HAUS6: variants seen among roughly 807,000 people sequenced by gnomAD.
HAUS6 encodes HAUS augmin like complex subunit 6.
A neutral mutation model predicts 106.8 loss-of-function variants in HAUS6; 80 were observed. That is an observed-to-expected ratio of 0.75 (90% confidence interval 0.63 to 0.90). The LOEUF (loss-of-function observed/expected upper bound fraction) is 0.90, where lower values mean the gene tolerates loss of function less well. Among genes scored for constraint, HAUS6 ranks in the 40% least tolerant of loss-of-function variants. The probability of loss-of-function intolerance (pLI) is 0.00; values close to 1 mark genes in which losing one functional copy is unlikely to be tolerated. For missense variants in HAUS6, 1,155 were observed against 1,118.1 expected (o/e 1.03, Z -0.47); for synonymous variants, 356 against 379.1 (o/e 0.94, Z 0.71).
chr9:19,083,243 T>C (rs996384063), intron 7 of HAUS6, among the ~76,000 whole-genome samples, 200 bp from the exon 8 acceptor site: 3 of 152,104 alleles, frequency 2.0e-5, no homozygotes, highest in Admixed American at 6.6e-5. Flanking sequence ...ATCAGGAGAA[T>C]CTAGCTCACT....
chr9:19,077,380 G>T (rs1837032498), intron 10 of HAUS6, among the ~76,000 whole-genome samples: 1 of 152,002 alleles, frequency 6.6e-6, no homozygotes, highest in Admixed American at 6.6e-5. Context: ...ACTGAAAATA[G>T]AAAAATTAGC....
In HAUS6 at chr9:19,071,573, CTTTTT is replaced by C. The variant is rs34684530; in HGVS notation, c.1295-1278_1295-1274del. Among the ~76,000 whole-genome samples, 42 of 109,372 alleles carry C rather than the reference CTTTTT, an allele frequency of 3.8e-4. No homozygotes were observed. The South Asian group carries it at 6.8e-3, about 18-fold the overall frequency. The allele number at this position is 109,372 out of a possible 152,430, so 71.8% of individuals were successfully genotyped here. A position where few individuals can be genotyped will look rare whatever the true frequency, so the allele number is the denominator to read the frequency against. On this transcript the variant is annotated intron_variant, in intron 11 of 16. Coordinates refer to ENST00000380502, the MANE Select transcript of HAUS6 (RefSeq NM_017645.5). ...GCATAATACAAAAGAAAAATATTTT[CTTTTT>C]TTTTTTTTTTTTTTGAGACAGGGTC...
intron 7 of HAUS6, among the ~76,000 whole-genome samples, chr9:19,084,401 G>C (rs1837238041): frequency 6.6e-6 from 1 of 152,148 alleles, no homozygotes; most frequent in Admixed American, 6.6e-5. Flanking sequence ...GGATTCTAGG[G>C]TGCTGGTAAC....
At position 19,099,820 on chromosome 9, in the gene HAUS6, C is replaced by T. The variant is rs146509134; in HGVS notation, c.128+2704G>A. 1.4e-3 allele frequency among the ~76,000 whole-genome samples: 207 copies of T among 152,260 alleles called. 1 individual carries two copies. The highest frequency in any genetic ancestry group is 3.4e-3 in the Middle Eastern group (1 of 294). On this transcript the variant is annotated intron_variant, in intron 1 of 16. Transcript: ENST00000380502. Reference sequence around the variant, plus strand: ...ATCCCAGCACTTTGGGAGGCTGACGCGGGAGGATCACTTAAGCCCAGAGGG... The same window carrying T: ...ATCCCAGCACTTTGGGAGGCTGACGTGGGAGGATCACTTAAGCCCAGAGGG...
Position 19,075,327 on chromosome 9 carries a change from T to C in HAUS6, c.1294+1275A>G, listed in dbSNP as rs78598268. Among the ~76,000 whole-genome samples, 1,423 of 152,368 alleles carry C rather than the reference T, an allele frequency of 9.3e-3. 12 individuals carry two copies. The highest frequency in any genetic ancestry group is 0.024 in the South Asian group (115 of 4,828). On this transcript the variant is annotated intron_variant, in intron 11 of 16. Coordinates refer to ENST00000380502, the MANE Select transcript of HAUS6 (RefSeq NM_017645.5). The stretch of plus-strand genomic sequence containing the variant: ...CAATTGTGATGATGGTTGCACATAT[T>C]TGTGAATTTAGCAAAAAGCAAGAAA...
intron 12 of HAUS6, among the ~76,000 whole-genome samples, chr9:19,065,777 G>A (rs940780903): frequency 6.6e-6 from 1 of 152,028 alleles, no homozygotes; most frequent in Admixed American, 6.6e-5. Flanking sequence ...GGAGGCAGCA[G>A]TTGCAGTGAG....
chr9:19,081,670 C>T (rs920308988), intron 8 of HAUS6, among the ~76,000 whole-genome samples: 3 of 152,014 alleles, frequency 2.0e-5, no homozygotes, highest in Admixed American at 2.0e-4. Flanking sequence ...AATACCTGAC[C>T]GCAAGTGATC....
At chr9:19,081,582 G>A (rs1837151665) in intron 8 of HAUS6, among the ~76,000 whole-genome samples, 1 of 152,000 alleles carries the variant, frequency 6.6e-6, no homozygotes, top group African/African-American at 2.4e-5. Flanking sequence ...TGGGACTACA[G>A]ATGTGCACCA....
intron 5 of HAUS6, among the ~76,000 whole-genome samples, chr9:19,088,843 A>G (rs1817686584): frequency 6.6e-6 from 1 of 152,138 alleles, no homozygotes; most frequent in Non-Finnish European, 1.5e-5. Context: ...GCACTACTGC[A>G]CTCAAGCCTG....
In HAUS6 at chr9:19,080,753, T is replaced by C. The variant is rs960196464; in HGVS notation, c.871-81A>G. 14 of 798,658 alleles carry C rather than the reference T, an allele frequency of 1.8e-5. No homozygotes were observed. In the Admixed American group the frequency reaches 2.5e-4, roughly 14 times the overall value. The allele number at this position is 798,658 out of a possible 1,614,324, so 49.5% of individuals were successfully genotyped here. ...ATTACATAAAAATATTTATGTTTTT[T>C]ACTATTAAAGTTTACCTTAAAGAAG... On this transcript the variant is annotated intron_variant, in intron 8 of 16. Transcript: ENST00000380502.
intron 16 of HAUS6, chr9:19,057,101 T>C (rs1836491455): frequency 6.6e-6 from 1 of 152,202 alleles, no homozygotes; most frequent in African/African-American, 2.4e-5. Flanking sequence ...TCAATAATTA[T>C]TAATACTAAC....
intron 12 of HAUS6, among the ~76,000 whole-genome samples, chr9:19,067,441 C>A (rs987705366): frequency 6.6e-6 from 1 of 152,152 alleles, no homozygotes; most frequent in Admixed American, 6.5e-5. Flanking sequence ...ATCCCATTAA[C>A]CATTTATCCC....
At chr9:19,071,861 C>T (rs1368613620) in intron 11 of HAUS6, among the ~76,000 whole-genome samples, 3 of 151,948 alleles carry the variant, frequency 2.0e-5, no homozygotes, top group Non-Finnish European at 4.4e-5. Flanking sequence ...TGAGCCACCA[C>T]GCCCAGCCAA....
intron 11 of HAUS6, among the ~76,000 whole-genome samples, chr9:19,075,599 T>G (rs1836979807): frequency 6.6e-6 from 1 of 152,088 alleles, no homozygotes; most frequent in East Asian, 1.9e-4. Context: ...ACAACAGGAC[T>G]CATATTATAT....
intron 1 of HAUS6, among the ~76,000 whole-genome samples, chr9:19,100,272 G>A (rs2131161475): frequency 6.6e-6 from 1 of 152,348 alleles, no homozygotes; most frequent in Non-Finnish European, 1.5e-5. Context: ...TGAAGTGGAA[G>A]GAAGGATCGC....
chr9:19,068,996 T>C (rs79480362), intron 12 of HAUS6, among the ~76,000 whole-genome samples: 1 of 152,142 alleles, frequency 6.6e-6, no homozygotes, highest in East Asian at 1.9e-4. Context: ...AATTTTTTTT[T>C]AAGCATGGAA....
chr9:19,094,283 A>G (rs191637095), intron 3 of HAUS6, 34 bp downstream of exon 3: 1 of 1,270,032 alleles, frequency 7.9e-7, no homozygotes, highest in Non-Finnish European at 1.1e-6. Context: ...TTAACTTCTT[A>G]AAGTCTGTAT....
intron 3 of HAUS6, 46 bp from the exon 4 acceptor site, chr9:19,093,349 A>G (rs1817795659): frequency 6.8e-7 from 1 of 1,479,306 alleles, no homozygotes; most frequent in Non-Finnish European, 9.3e-7. Context: ...TGTTAACAAT[A>G]ACTCTTACAT....
At chr9:19,065,472 G>T (rs535097198) in intron 12 of HAUS6, among the ~76,000 whole-genome samples, 1 of 152,136 alleles carries the variant, frequency 6.6e-6, no homozygotes, top group South Asian at 2.1e-4. Flanking sequence ...TATTATCAAT[G>T]AAAATTGGTT....
Sources: allele counts gnomAD v4.1 joint callset (sites outside exome capture counted in the v4.1 genomes callset), GRCh38; gene constraint gnomAD v4.1.1; transcripts MANE v1.5; gene names NCBI Gene and HGNC (gene_info 2026-07-23, HGNC 2026-07-21).